Variants in RORA observed in about 807,000 individuals in gnomAD.
RORA encodes RAR related orphan receptor A, also known as nuclear receptor ROR-alpha.
Under a neutral mutation model 69.5 loss-of-function variants are expected in RORA, and 7 were observed. That is an observed-to-expected ratio of 0.10 (90% CI 0.06 to 0.19). The LOEUF (loss-of-function observed/expected upper bound fraction) is 0.19. Among genes scored for constraint, RORA ranks in the 10% least tolerant of loss-of-function variants. The pLI, the probability that RORA is intolerant of heterozygous loss-of-function variation, is 1.00. For missense variants in RORA, 457 were observed against 663.0 expected (o/e 0.69, Z 3.41); for synonymous variants, 261 against 240.8 (o/e 1.08, Z -0.78).
intron 1 of RORA, among the ~76,000 whole-genome samples, chr15:60,986,370 G>T (rs1470265354): frequency 2.0e-5 from 3 of 152,200 alleles, no homozygotes; most frequent in African/African-American, 7.2e-5. Flanking sequence ...CTGATGATCA[G>T]CTAACTTCTA....
intron 1 of RORA, among the ~76,000 whole-genome samples, chr15:61,133,226 T>C (rs1332316202): frequency 6.6e-6 from 1 of 152,124 alleles, no homozygotes; most frequent in Non-Finnish European, 1.5e-5. Flanking sequence ...GTAATATATA[T>C]AATGTTCTGC....
intron 1 of RORA, among the ~76,000 whole-genome samples, chr15:60,916,409 A>G (rs903685884): frequency 1.3e-5 from 2 of 152,194 alleles, no homozygotes; most frequent in African/African-American, 4.8e-5. Context: ...AACATTTTCT[A>G]TGTGATTTAG....
intron 1 of RORA, among the ~76,000 whole-genome samples, chr15:60,890,455 T>C (rs2073801275): frequency 6.6e-6 from 1 of 152,232 alleles, no homozygotes; most frequent in Admixed American, 6.5e-5. Flanking sequence ...GCTTTTCTCT[T>C]GCCCTGGAGG....
chr15:60,592,518 G>A, intron 2 of RORA: 3 of 1,296,012 alleles, frequency 2.3e-6, no homozygotes, highest in South Asian at 2.2e-5. Context: ...AGCAGCAGCT[G>A]CCGCAGCTGC....
At chr15:60,906,412 G>T (rs986130631) in intron 1 of RORA, among the ~76,000 whole-genome samples, 1 of 152,146 alleles carries the variant, frequency 6.6e-6, no homozygotes, top group Non-Finnish European at 1.5e-5. Flanking sequence ...TACCATTAAA[G>T]TACCATTTGT....
chr15:61,018,562 T>C (rs1249010531), intron 1 of RORA, among the ~76,000 whole-genome samples: 1 of 152,132 alleles, frequency 6.6e-6, no homozygotes, highest in Non-Finnish European at 1.5e-5. Context: ...ATATTTGGAT[T>C]CATAAATATT....
At chr15:60,671,428 C>T (rs1734114193) in intron 2 of RORA, among the ~76,000 whole-genome samples, 1 of 152,028 alleles carries the variant, frequency 6.6e-6, no homozygotes, top group Non-Finnish European at 1.5e-5. Flanking sequence ...AAGTAGACAT[C>T]AGTTCTTTGA....
At chr15:60,985,223 T>G (rs1012685851) in intron 1 of RORA, among the ~76,000 whole-genome samples, 1 of 152,212 alleles carries the variant, frequency 6.6e-6, no homozygotes, top group Non-Finnish European at 1.5e-5. Context: ...GATCAGGAAA[T>G]GAATTAAAAT....
In RORA at chr15:60,619,090, ATTGTCCCTTC is replaced by A. The variant is rs1242878980; in HGVS notation, c.196+59557_196+59566del. On this transcript the variant is annotated intron_variant, in intron 2 of 10. Coordinates refer to ENST00000335670, the MANE Select transcript of RORA (RefSeq NM_134261.3). ...AGTTACACTAATGCATCCTACATGG[ATTGTCCCTTC>A]TTGTGCTTCACTAAGCTCTAATTGC... 2.0e-5 allele frequency among the ~76,000 whole-genome samples: 3 copies of A among 152,322 alleles called. No homozygotes were observed. In the East Asian group the frequency reaches 5.8e-4, roughly 29 times the overall value.
At chr15:60,950,121 A>G (rs34784289) in intron 1 of RORA, among the ~76,000 whole-genome samples, 98,282 of 149,904 alleles carry the variant, frequency 0.66, 32,685 homozygotes, top group South Asian at 0.76. Flanking sequence ...AGAAGAGAGT[A>G]GGGGCCAATA....
intron 1 of RORA, among the ~76,000 whole-genome samples, chr15:60,729,762 G>C (rs2071406257): frequency 6.6e-6 from 1 of 152,132 alleles, no homozygotes; most frequent in Non-Finnish European, 1.5e-5. Flanking sequence ...GTTGTTAGTT[G>C]ATTTCTTCTT....
intron 1 of RORA, among the ~76,000 whole-genome samples, chr15:61,020,334 C>T (rs1455023277): frequency 6.6e-6 from 1 of 152,186 alleles, no homozygotes. Flanking sequence ...GATGAAAGCA[C>T]TCTCTTTGCC....
intron 2 of RORA, chr15:60,558,166 G>A (rs1039552895): frequency 1.2e-5 from 15 of 1,229,658 alleles, no homozygotes; most frequent in South Asian, 6.3e-5. Flanking sequence ...ACAAGACTGG[G>A]CCACATCTCC....
At chr15:60,739,148 G>A (rs1468453210) in intron 1 of RORA, among the ~76,000 whole-genome samples, 2 of 152,222 alleles carry the variant, frequency 1.3e-5, no homozygotes, top group African/African-American at 2.4e-5. Context: ...ACCCAGGGCT[G>A]TGGCCTTGTA....
intron 1 of RORA, among the ~76,000 whole-genome samples, chr15:61,169,387 G>A (rs1374832973): frequency 6.6e-6 from 1 of 151,922 alleles, no homozygotes; most frequent in Non-Finnish European, 1.5e-5. Flanking sequence ...TCTCTGCCTG[G>A]TATCCTCTGC....
intron 1 of RORA, among the ~76,000 whole-genome samples, chr15:60,716,487 C>T (rs1262774622): frequency 6.6e-6 from 1 of 152,220 alleles, no homozygotes; most frequent in Non-Finnish European, 1.5e-5. Flanking sequence ...CTCTGAGCCA[C>T]ATCTGTAATA....
chr15:60,826,057 C>G (rs978768853), intron 1 of RORA, among the ~76,000 whole-genome samples: 1 of 152,088 alleles, frequency 6.6e-6, no homozygotes, highest in African/African-American at 2.4e-5. Context: ...TAGGCAGGGC[C>G]AATTGGTCAG....
intron 3 of RORA, chr15:60,529,354 CT>C (rs1295012779): frequency 6.7e-6 from 1 of 149,178 alleles, no homozygotes; most frequent in African/African-American, 2.6e-5. Context: ...AAATAGAAGT[CT>C]TTTGACTTCT....
At chr15:60,504,599 A>G (rs1215571395) in intron 6 of RORA, among the ~76,000 whole-genome samples, 2 of 152,158 alleles carry the variant, frequency 1.3e-5, no homozygotes, top group Non-Finnish European at 2.9e-5. Context: ...TTCAAATCCA[A>G]GCATCTCTGA....
Sources: allele counts gnomAD v4.1 joint callset (sites outside exome capture counted in the v4.1 genomes callset), GRCh38; gene constraint gnomAD v4.1.1; transcripts MANE v1.5; gene names NCBI Gene and HGNC (gene_info 2026-07-23, HGNC 2026-07-21).